The following TMX4 variants were observed in gnomAD, a reference collection of about 807,000 sequenced individuals.
TMX4 encodes the protein thioredoxin-related transmembrane protein 4.
TMX4 carries 23 observed loss-of-function variants against 33.3 expected under a neutral mutation model. That is an observed-to-expected ratio of 0.69 (90% CI 0.50 to 0.98). The LOEUF is 0.98. Ranked by LOEUF, TMX4 falls within the 50% of genes least tolerant of loss-of-function variation. The pLI is 0.00. For synonymous variants in TMX4, 164 were observed against 161.5 expected (o/e 1.02, Z -0.12); for missense variants, 399 against 448.9 (o/e 0.89, Z 1.01).
intron 2 of TMX4, among the ~76,000 whole-genome samples, chr20:8,006,545 T>G (rs574134583): frequency 6.6e-6 from 1 of 152,274 alleles, no homozygotes; most frequent in South Asian, 2.1e-4. Flanking sequence ...TTCAATGAGT[T>G]TTTACTATTC....
At chr20:8,016,303 C>G (rs539817903) in intron 1 of TMX4, among the ~76,000 whole-genome samples, 13 of 152,208 alleles carry the variant, frequency 8.5e-5, no homozygotes, top group African/African-American at 2.6e-4. Flanking sequence ...GCCCGGGAGG[C>G]AGAGGGTACA....
At chr20:7,989,021 A>G (rs144333633) in intron 5 of TMX4, among the ~76,000 whole-genome samples, 1,909 of 151,776 alleles carry the variant, frequency 0.013, 48 homozygotes, top group African/African-American at 0.044. Flanking sequence ...CTCCGTCTCA[A>G]GAAAAAAAAA....
At chr20:8,016,012 A>G (rs1185871322) in intron 1 of TMX4, among the ~76,000 whole-genome samples, 2 of 152,222 alleles carry the variant, frequency 1.3e-5, no homozygotes, top group African/African-American at 4.8e-5. Context: ...AGAATGTATC[A>G]TATTACATAC....
Position 8,019,605 on chromosome 20 carries a change from A to AC in TMX4, c.8dup (p.Gly4TrpfsTer68). On this transcript the variant is annotated frameshift_variant, in exon 1 of 8. Coordinates refer to ENST00000246024, the MANE Select transcript of TMX4 (RefSeq NM_021156.4). LOFTEE classifies it high-confidence loss of function. ...CCGTTAGCTGCGGGCCGCAGCGCCC[A>AC]CCCGCCATGTTGGGCGCCGAGCGAG... 1 of 1,340,206 alleles carries AC rather than the reference A, an allele frequency of 7.5e-7. No individual in the cohort carries two copies. 83.0% of individuals were successfully genotyped at this position (1,340,206 alleles called of 1,614,324 possible).
At chr20:8,013,109 G>A (rs939303102) in intron 1 of TMX4, among the ~76,000 whole-genome samples, 2 of 152,088 alleles carry the variant, frequency 1.3e-5, no homozygotes, top group African/African-American at 4.8e-5. Context: ...TCAGTCATGT[G>A]ACCTTCATGC....
At chr20:7,987,201 T>C (rs1395842846) in intron 6 of TMX4, 87 bp downstream of exon 6, 1 of 944,972 alleles carries the variant, frequency 1.1e-6, no homozygotes, top group African/African-American at 1.7e-5. Flanking sequence ...CTATTTTTTA[T>C]GTGCTTTTTC....
chr20:8,015,696 T>C lies in TMX4; in HGVS notation c.176+3742A>G, dbSNP rs527721872. On this transcript the variant is annotated intron_variant, in intron 1 of 7. Transcript: ENST00000246024. ...AACTGCAAGAAATTCTAACTTGACA[T>C]GGGCAAGTTAAGGTAATGATGTTCA... Among the ~76,000 whole-genome samples the C allele has an allele frequency of 1.3e-5, 2 of 152,240 alleles. 1 individual carries two copies. The highest frequency in any genetic ancestry group is 4.1e-4 in the South Asian group (2 of 4,824).
intron 5 of TMX4, 24 bp downstream of exon 5, chr20:7,996,002 A>G: frequency 1.3e-6 from 2 of 1,575,582 alleles, no homozygotes; most frequent in Non-Finnish European, 8.7e-7. Context: ...TGCAAATATA[A>G]ACGTTTTATT....
chr20:8,015,169 G>A (rs2050769099), intron 1 of TMX4, among the ~76,000 whole-genome samples: 1 of 152,228 alleles, frequency 6.6e-6, no homozygotes, highest in South Asian at 2.1e-4. Flanking sequence ...GTGGATGGAA[G>A]TGGTAAGGAT....
intron 1 of TMX4, among the ~76,000 whole-genome samples, chr20:8,012,375 A>G (rs1289373176): frequency 1.3e-5 from 2 of 152,168 alleles, no homozygotes; most frequent in African/African-American, 4.8e-5. Context: ...CATTTGTAAT[A>G]CTGCTTGGGG....
chr20:8,006,121 C>T (rs1022152851), intron 2 of TMX4, among the ~76,000 whole-genome samples: 10 of 151,520 alleles, frequency 6.6e-5, no homozygotes, highest in Admixed American at 5.9e-4. Context: ...CCCCTTTATG[C>T]TGCCGTGGGA....
Position 8,019,512 on chromosome 20 carries a change from C to G in TMX4, c.102G>C (p.Pro34=). 1.3e-6 allele frequency: 2 copies of G among 1,499,080 alleles called. No homozygotes were observed. Among genetic ancestry groups the G allele is most frequent in the Non-Finnish European group, 1.8e-6 (2 of 1,124,742 alleles). The allele number at this position is 1,499,080 out of a possible 1,614,324, so 92.9% of individuals were successfully genotyped here. A position where few individuals can be genotyped will look rare whatever the true frequency, so the allele number is the denominator to read the frequency against. The change falls in exon 1 of 8, where the codon CCG becomes CCC. Residue 34 remains proline (P), a synonymous_variant. Transcript: ENST00000246024. ...TAGPEEAALP[P]EQSRVQPMTA... ...TCATGGGCTGGACCCGGCTCTGCTC[C>G]GGCGGCAGCGCGGCCTCCTCGGGGC...
intron 5 of TMX4, among the ~76,000 whole-genome samples, chr20:7,993,966 T>G (rs1195308145): frequency 6.6e-6 from 1 of 152,134 alleles, no homozygotes; most frequent in Admixed American, 6.5e-5. Flanking sequence ...TATATACTTT[T>G]TATAAGATTT....
In TMX4 at chr20:8,019,476, GTT is replaced by G; in HGVS notation, c.136_137del (p.Asn46LeufsTer25). 1.3e-6 allele frequency: 2 copies of G among 1,517,274 alleles called. No homozygotes were observed. Among genetic ancestry groups the G allele is most frequent in the Non-Finnish European group, 1.8e-6 (2 of 1,132,008 alleles). 94.0% of individuals were successfully genotyped at this position (1,517,274 alleles called of 1,614,324 possible). On this transcript the variant is annotated frameshift_variant, in exon 1 of 8. Transcript: ENST00000246024. LOFTEE classifies it high-confidence loss of function. ...ACTCGCCCTCCATCACCAGCGTCCA[GTT>G]GGAGGCGGTCATGGGCTGGACCCGG... ...QSRVQPMTASNWTLVMEGEWM... is the reference protein window; with the variant it reads ...QSRVQPMTASXWTLVMEGEWM...
Position 8,019,640 on chromosome 20 carries a change from C to T in TMX4, c.-27G>A. 7.5e-7 allele frequency: 1 copy of T among 1,326,740 alleles called. No homozygotes were observed. The highest frequency in any genetic ancestry group is 9.6e-7 in the Non-Finnish European group (1 of 1,038,804). The allele number at this position is 1,326,740 out of a possible 1,614,324, so 82.2% of individuals were successfully genotyped here. ...TTGGGCGCCGAGCGAGGCTTCTCGG[C>T]GGGGAGTGTGGGGAAGGGCAGCGGC... On this transcript the variant is annotated 5_prime_UTR_variant, in exon 1 of 8. Coordinates refer to ENST00000246024, the MANE Select transcript of TMX4 (RefSeq NM_021156.4).
intron 2 of TMX4, among the ~76,000 whole-genome samples, chr20:8,002,962 A>C (rs2050713583): frequency 6.6e-6 from 1 of 152,188 alleles, no homozygotes; most frequent in East Asian, 1.9e-4. Flanking sequence ...AAGTTTTGTC[A>C]CCAGTAACAT....
Position 8,019,690 on chromosome 20 carries a change from C to T in TMX4, c.-77G>A, listed in dbSNP as rs1460648053. ...CCGGCCCGCAGCCTCGCTCGCCCGC[C>T]GGGTTTTTCAAGGAAGCGGGAGACG... On this transcript the variant is annotated 5_prime_UTR_variant, in exon 1 of 8. Coordinates refer to ENST00000246024, the MANE Select transcript of TMX4 (RefSeq NM_021156.4). 1.7e-5 allele frequency: 21 copies of T among 1,231,230 alleles called. 1 individual carries two copies. The highest frequency in any genetic ancestry group is 3.0e-4 in the Middle Eastern group (1 of 3,294). The allele number at this position is 1,231,230 out of a possible 1,614,324, so 76.3% of individuals were successfully genotyped here.
rs572742970 is a variant in TMX4, at chr20:7,978,302, T to A, written c.*3949A>T. 33 of 152,320 alleles carry A rather than the reference T, an allele frequency of 2.2e-4. No individual in the cohort carries two copies. The highest frequency in any genetic ancestry group is 7.7e-4 in the African/African-American group (32 of 41,576). 9.4% of individuals were successfully genotyped at this position (152,320 alleles called of 1,614,324 possible). A position where few individuals can be genotyped will look rare whatever the true frequency, so the allele number is the denominator to read the frequency against. ...CTGAAATCTCAGGTTTGCCGTAACT[T>A]TTCCACCTTTTTTTAAAATTTATTT... On this transcript the variant is annotated 3_prime_UTR_variant, in exon 8 of 8. Transcript: ENST00000246024.
chr20:7,999,666 C>T, intron 4 of TMX4, 66 bp downstream of exon 4: 3 of 1,536,026 alleles, frequency 2.0e-6, no homozygotes, highest in Admixed American at 2.1e-5. Context: ...TTTTTGAGAC[C>T]CACAGGCTAT....
Sources: gnomAD v4.1 joint callset for allele counts (sites outside exome capture counted in the v4.1 genomes callset) on GRCh38, gnomAD v4.1.1 for gene constraint, MANE v1.5 for transcripts, NCBI Gene and HGNC (gene_info 2026-07-23, HGNC 2026-07-21) for gene names.